Variants in NUDC observed in about 807,000 individuals in gnomAD.
The protein encoded by NUDC is nuclear distribution C, dynein complex regulator.
A neutral mutation model predicts 45.0 loss-of-function variants in NUDC; 14 were observed. That is an observed-to-expected ratio of 0.31 (90% CI 0.21 to 0.49). The LOEUF (loss-of-function observed/expected upper bound fraction) is 0.49. Among genes scored for constraint, NUDC ranks in the 20% least tolerant of loss-of-function variants. NUDC has a pLI of 0.99. For missense variants in NUDC, 323 were observed against 426.2 expected, an observed-to-expected ratio of 0.76 and a Z score of 2.13; for synonymous variants, 153 against 156.7, an observed-to-expected ratio of 0.98 and a Z score of 0.17.
At position 26,921,756 on chromosome 1, in the gene NUDC, G is replaced by A; in HGVS notation, c.-93G>A. On this transcript the variant is annotated 5_prime_UTR_variant, in exon 1 of 9. Transcript: ENST00000321265. ...TCCGGCTCCGCTGCGGAAGGCGGAC[G>A]ACTAGAGTCGTTGGGCCCGGCGCGA... 2.9e-6 allele frequency: 4 copies of A among 1,356,864 alleles called. No homozygotes were observed. Among genetic ancestry groups the A allele is most frequent in the Non-Finnish European group, 3.1e-6 (3 of 975,698 alleles). The allele number at this position is 1,356,864 out of a possible 1,614,324, so 84.1% of individuals were successfully genotyped here.
intron 2 of NUDC, among the ~76,000 whole-genome samples, chr1:26,927,145 G>C (rs1360999406): frequency 6.6e-6 from 1 of 151,100 alleles, no homozygotes; most frequent in Admixed American, 6.6e-5. Flanking sequence ...TGACGCTTCA[G>C]ATATGAAGGA....
chr1:26,902,790 T>C (rs1188780383), intron 2 of NUDC, among the ~76,000 whole-genome samples: 1 of 151,680 alleles, frequency 6.6e-6, no homozygotes, highest in Non-Finnish European at 1.5e-5. Context: ...GGCTAATGCC[T>C]GTAATCCCAG....
chr1:26,925,924 G>A (rs2082128398), intron 2 of NUDC, among the ~76,000 whole-genome samples: 1 of 151,634 alleles, frequency 6.6e-6, no homozygotes, highest in South Asian at 2.1e-4. Flanking sequence ...GTTTCACCAT[G>A]TTGGCCAGGC....
chr1:26,904,198 T>G, intron 2 of NUDC, among the ~76,000 whole-genome samples: 1 of 149,506 alleles, frequency 6.7e-6, no homozygotes, highest in Non-Finnish European at 1.5e-5. Context: ...TTTTTTTTTT[T>G]TGTCACCCAG....
intron 2 of NUDC, among the ~76,000 whole-genome samples, chr1:26,903,859 A>C (rs1449032510): frequency 1.3e-5 from 2 of 151,500 alleles, no homozygotes; most frequent in Admixed American, 6.6e-5. Context: ...AAATACAAAA[A>C]AATTAGCTGG....
At chr1:26,921,521 C>G (rs1347980437), upstream of NUDC, among the ~76,000 whole-genome samples, 1 of 152,260 alleles carries the variant, frequency 6.6e-6, no homozygotes, top group African/African-American at 2.4e-5. Context: ...GAAGTCTCCA[C>G]GGCATCGGGT....
chr1:26,941,902 CCCTT>C (rs2082280869), intron 4 of NUDC, 84 bp downstream of exon 4: 11 of 1,317,776 alleles, frequency 8.3e-6, no homozygotes, highest in Non-Finnish European at 1.2e-5. Flanking sequence ...CTCTGGAATA[CCCTT>C]CCTTATCCTA....
At chr1:26,921,266 C>T (rs1168860753), upstream of NUDC, among the ~76,000 whole-genome samples, 2 of 152,190 alleles carry the variant, frequency 1.3e-5, no homozygotes, top group Non-Finnish European at 2.9e-5. Flanking sequence ...TGGAGCCTTT[C>T]TAAGCCTGGG....
chr1:26,910,376 C>T (rs557822365), intron 2 of NUDC, among the ~76,000 whole-genome samples: 1 of 152,174 alleles, frequency 6.6e-6, no homozygotes, highest in East Asian at 1.9e-4. Flanking sequence ...TTGTCTCTAT[C>T]TGGTGTCTGA....
rs371929334 is a variant in NUDC, at chr1:26,942,697, A to C, written c.467A>C (p.Lys156Thr). The C allele has an allele frequency of 1.7e-5, 28 of 1,614,074 alleles. No homozygotes were observed. Among genetic ancestry groups the C allele is most frequent in the Non-Finnish European group, 2.4e-5 (28 of 1,180,040 alleles). The change falls in exon 5 of 9, where the codon AAA (lysine) becomes ACA (threonine). Residue 156 changes from lysine (K) to threonine (T), a missense_variant. Physicochemically the swap from Lys to Thr is moderately conservative, Grantham distance 78. Coordinates refer to ENST00000321265, the MANE Select transcript of NUDC (RefSeq NM_006600.4). ...GATGAGGAGGAAGATGAGAAGGACA[A>C]AGGAAAACTGAAGCCCAACCTAGGC... The part of the protein sequence containing the change: ...EEDEEEDEKD[K>T]GKLKPNLGNG...
chr1:26,932,897 T>C (rs1282828600), intron 2 of NUDC, among the ~76,000 whole-genome samples: 1 of 152,216 alleles, frequency 6.6e-6, no homozygotes, highest in African/African-American at 2.4e-5. Flanking sequence ...TTATCCACAT[T>C]GTAGCATGTG....
intron 2 of NUDC, among the ~76,000 whole-genome samples, chr1:26,927,804 C>T (rs550753421): frequency 7.9e-5 from 12 of 152,194 alleles, no homozygotes; most frequent in Non-Finnish European, 1.5e-4. Flanking sequence ...CTTGGGGCCA[C>T]ATGTGTTTTG....
intron 3 of NUDC, chr1:26,911,936 G>T (rs746783997): frequency 4.3e-6 from 7 of 1,614,230 alleles, no homozygotes; most frequent in Non-Finnish European, 5.9e-6. Context: ...CAGGCTGGTC[G>T]GAATGGACTT....
intron 2 of NUDC, among the ~76,000 whole-genome samples, chr1:26,905,627 T>C (rs2081999922): frequency 6.6e-6 from 1 of 152,288 alleles, no homozygotes; most frequent in South Asian, 2.1e-4. Context: ...TCAGGTCCGT[T>C]GCAGCCCCGA....
chr1:26,927,399 C>CTTTT (rs1189665637), intron 2 of NUDC, among the ~76,000 whole-genome samples: 1 of 129,934 alleles, frequency 7.7e-6, no homozygotes, highest in Non-Finnish European at 1.6e-5. Context: ...TTTTCTTTTT[C>CTTTT]TTTTTTTTTT....
At chr1:26,927,545 C>T (rs1570728343) in intron 2 of NUDC, among the ~76,000 whole-genome samples, 1 of 151,628 alleles carries the variant, frequency 6.6e-6, no homozygotes, top group Admixed American at 6.6e-5. Context: ...TTACAGGCGC[C>T]CGCCCCTATG....
intron 1 of NUDC, 121 bp from the exon 2 acceptor site, chr1:26,923,967 GA>G: frequency 1.2e-6 from 1 of 831,758 alleles, no homozygotes; most frequent in Admixed American, 1.8e-5. Flanking sequence ...CCTCAGTTGG[GA>G]AGCTCAGAGG....
At chr1:26,901,566 G>T (rs184158944) in intron 1 of NUDC, among the ~76,000 whole-genome samples, 86 of 151,694 alleles carry the variant, frequency 5.7e-4, no homozygotes, top group African/African-American at 2.0e-3. Context: ...CACCACGCCC[G>T]GCTAATTTTT....
At chr1:26,924,601 T>C (rs1428035729) in intron 2 of NUDC, among the ~76,000 whole-genome samples, 1 of 152,218 alleles carries the variant, frequency 6.6e-6, no homozygotes, top group East Asian at 1.9e-4. Context: ...TCACCCAAGC[T>C]GAAGCGCAGT....
Sources: gnomAD v4.1 joint callset for allele counts (sites outside exome capture counted in the v4.1 genomes callset) on GRCh38, gnomAD v4.1.1 for gene constraint, MANE v1.5 for transcripts, NCBI Gene and HGNC (gene_info 2026-07-23, HGNC 2026-07-21) for gene names.